Variants in U2SURP observed in about 807,000 individuals in gnomAD.
The protein encoded by U2SURP is U2 snRNP-associated SURP motif-containing protein.
Under a neutral mutation model 144.9 loss-of-function variants are expected in U2SURP, and 9 were observed. The observed-to-expected ratio is 0.06, with a 90% confidence interval of 0.04 to 0.11. The LOEUF (loss-of-function observed/expected upper bound fraction) is 0.11. U2SURP is among the 10% of genes least tolerant of loss of function. The pLI is 1.00. For missense variants in U2SURP, 724 were observed against 1,226.7 expected, an observed-to-expected ratio of 0.59 and a Z score of 6.12; for synonymous variants, 408 against 396.8, an observed-to-expected ratio of 1.03 and a Z score of -0.33.
chr3:143,039,343 C>T (rs1933976627), intron 23 of U2SURP, among the ~76,000 whole-genome samples: 1 of 151,780 alleles, frequency 6.6e-6, no homozygotes, highest in African/African-American at 2.4e-5. Context: ...AAAAAGATTG[C>T]ATTATGGCCA....
intron 1 of U2SURP, among the ~76,000 whole-genome samples, chr3:143,004,912 G>GGAGA (rs201152788): frequency 2.6e-5 from 4 of 151,716 alleles, no homozygotes; most frequent in African/African-American, 9.7e-5. Flanking sequence ...CATTTTGAGA[G>GGAGA]GAGAGAGAGA....
chr3:143,030,673 A>G (rs1226335299), intron 16 of U2SURP, among the ~76,000 whole-genome samples: 5 of 152,186 alleles, frequency 3.3e-5, no homozygotes, highest in African/African-American at 9.7e-5. Context: ...TGTGGCTGCC[A>G]TAGATAGTGA....
chr3:143,032,633 G>A, intron 16 of U2SURP, 151 bp from the exon 17 acceptor site: 1 of 555,794 alleles, frequency 1.8e-6, no homozygotes, highest in Non-Finnish European at 3.0e-6. Flanking sequence ...AACAATTTTG[G>A]GGGACACAAC....
chr3:143,032,981 T>C, intron 17 of U2SURP, 35 bp downstream of exon 17: 1 of 1,592,510 alleles, frequency 6.3e-7, no homozygotes, highest in African/African-American at 1.3e-5. Context: ...GGGGAGATAG[T>C]TGACGTCTTT....
intron 1 of U2SURP, 73 bp from the exon 2 acceptor site, chr3:143,010,742 G>GTATA: frequency 8.4e-7 from 1 of 1,196,842 alleles, no homozygotes; most frequent in Non-Finnish European, 1.2e-6. Flanking sequence ...TCTTAAGTTT[G>GTATA]TATAACACGA....
chr3:143,041,963 A>G (rs966645164), intron 23 of U2SURP, among the ~76,000 whole-genome samples: 24 of 145,160 alleles, frequency 1.7e-4, no homozygotes, highest in African/African-American at 4.5e-4. Context: ...TTATTTGCCA[A>G]TAGTATACAC....
At chr3:143,027,008 C>T (rs1161606386) in intron 13 of U2SURP, 141 bp from the exon 14 acceptor site, 2 of 635,094 alleles carry the variant, frequency 3.1e-6, no homozygotes, top group East Asian at 2.8e-5. Flanking sequence ...AACATATGCT[C>T]CAGGTTACTT....
intron 6 of U2SURP, among the ~76,000 whole-genome samples, 191 bp from the exon 7 acceptor site, chr3:143,019,778 A>G (rs1221418229): frequency 6.6e-6 from 1 of 152,192 alleles, no homozygotes; most frequent in African/African-American, 2.4e-5. Flanking sequence ...AATTGTAGTA[A>G]TAATTTAATT....
intron 25 of U2SURP, among the ~76,000 whole-genome samples, chr3:143,052,955 T>TTG (rs1934962728): frequency 6.6e-6 from 1 of 151,096 alleles, no homozygotes; most frequent in Admixed American, 6.6e-5. Context: ...TGTTGGTTTT[T>TTG]TTTTTTTTTT....
At chr3:143,035,371 C>T (rs952019218) in intron 19 of U2SURP, among the ~76,000 whole-genome samples, 6 of 152,010 alleles carry the variant, frequency 3.9e-5, no homozygotes, top group Admixed American at 3.9e-4. Context: ...TTAAGAAAAG[C>T]CAAGTGTAGT....
Position 143,020,763 on chromosome 3 carries a change from G to A in U2SURP, c.733+70G>A, listed in dbSNP as rs1578128743. On this transcript the variant is annotated intron_variant, in intron 8 of 27. Coordinates refer to ENST00000473835, the MANE Select transcript of U2SURP (RefSeq NM_001080415.2). ...GTAGTTCCCACCTTATCCGTGGCGG[G>A]TTACATTCCAAGGATCACCAGTGGA... The A allele has an allele frequency of 1.1e-5, 14 of 1,225,146 alleles. No individual in the cohort carries two copies. In the South Asian group the frequency reaches 1.3e-4, roughly 11 times the overall value. The allele number at this position is 1,225,146 out of a possible 1,614,324, so 75.9% of individuals were successfully genotyped here. A position where few individuals can be genotyped will look rare whatever the true frequency, so the allele number is the denominator to read the frequency against.
chr3:143,003,701 T>TG (rs1935665351), intron 1 of U2SURP, among the ~76,000 whole-genome samples: 1 of 116,994 alleles, frequency 8.5e-6, no homozygotes, highest in East Asian at 2.5e-4. Context: ...TTTTTTTTTT[T>TG]GTGAAAGAGT....
In U2SURP at chr3:143,010,879, T is replaced by G. The variant is rs761929028; in HGVS notation, c.90+20T>G. The G allele has an allele frequency of 4.4e-6, 7 of 1,590,202 alleles. No homozygotes were observed. Among genetic ancestry groups the G allele is most frequent in the Non-Finnish European group, 6.0e-6 (7 of 1,167,116 alleles). ...GCACATGTGAGTATAGAAGGCAATCTTTGTCTTTTTTCCTTTAAAATTTAA... is the reference window on the plus strand; with the variant it reads ...GCACATGTGAGTATAGAAGGCAATCGTTGTCTTTTTTCCTTTAAAATTTAA... On this transcript the variant is annotated intron_variant, in intron 2 of 27. Coordinates refer to ENST00000473835, the MANE Select transcript of U2SURP (RefSeq NM_001080415.2).
At chr3:143,050,902 A>C (rs752628425) in intron 24 of U2SURP, 37 bp from the exon 25 acceptor site, 1 of 1,390,452 alleles carries the variant, frequency 7.2e-7, no homozygotes, top group South Asian at 1.3e-5. Flanking sequence ...ATCTAGAATG[A>C]TGAAAATGCT....
At position 143,004,478 on chromosome 3, in the gene U2SURP, C is replaced by G. The variant is rs535424075; in HGVS notation, c.45+2805C>G. 3.4e-5 allele frequency among the ~76,000 whole-genome samples: 5 copies of G among 146,906 alleles called. No individual in the cohort carries two copies. In the East Asian group the frequency reaches 8.1e-4, roughly 24 times the overall value. ...TCCTGGGTTCAAGCAATTCTTCTGC[C>G]TCAGCCTCCCGAGTAGCTGGGACTA... is the stretch of plus-strand genomic sequence containing the variant. On this transcript the variant is annotated intron_variant, in intron 1 of 27. Transcript: ENST00000473835.
At chr3:143,016,477 T>C in intron 5 of U2SURP, 106 bp downstream of exon 5, 15 of 933,282 alleles carry the variant, frequency 1.6e-5, no homozygotes, top group Non-Finnish European at 2.4e-5. Context: ...TGAAAGGAAG[T>C]TTGGTTGCTT....
Position 143,056,435 on chromosome 3 carries a change from G to A in U2SURP, c.3075G>A (p.Lys1025=). The change falls in exon 28 of 28, where the codon AAG becomes AAA. Residue 1025 remains lysine, a synonymous_variant. Transcript: ENST00000473835. ...CACACAGGTCTCATAAAAAGTCAAAGAAAAACAAACACTGACGTAAATTTT... is the reference window on the plus strand; with the variant it reads ...CACACAGGTCTCATAAAAAGTCAAAAAAAAACAAACACTGACGTAAATTTT... ...RSPHRSHKKS[K]KNKH 1 of 1,611,794 alleles carries A rather than the reference G, an allele frequency of 6.2e-7. No individual in the cohort carries two copies. The highest frequency in any genetic ancestry group is 1.1e-5 in the South Asian group (1 of 90,822).
chr3:143,047,725 G>A (rs1206598978), intron 24 of U2SURP, among the ~76,000 whole-genome samples: 3 of 76,246 alleles, frequency 3.9e-5, no homozygotes, highest in Non-Finnish European at 8.2e-5. Context: ...CTCACCTCCC[G>A]GACTGGGCGG....
At chr3:143,007,348 C>T (rs1215629200) in intron 1 of U2SURP, among the ~76,000 whole-genome samples, 4 of 151,386 alleles carry the variant, frequency 2.6e-5, no homozygotes, top group Non-Finnish European at 2.9e-5. Flanking sequence ...GTCTTGAACT[C>T]CTGGCCTCGA....
Sources: allele counts gnomAD v4.1 joint callset (sites outside exome capture counted in the v4.1 genomes callset), GRCh38; gene constraint gnomAD v4.1.1; transcripts MANE v1.5; gene names NCBI Gene and HGNC (gene_info 2026-07-23, HGNC 2026-07-21).